ABHD2: variants seen among roughly 807,000 people sequenced by gnomAD.
The protein encoded by ABHD2 is abhydrolase domain containing 2, acylglycerol lipase.
ABHD2 carries 20 observed loss-of-function variants against 48.1 expected under a neutral mutation model. The observed-to-expected ratio is 0.42, with a 90% CI of 0.29 to 0.60. The LOEUF is 0.60. ABHD2 is among the 20% of genes least tolerant of loss of function. The pLI is 0.24. For synonymous variants in ABHD2, 209 were observed against 214.2 expected (o/e 0.98, Z 0.21); for missense variants, 405 against 550.9 (o/e 0.74, Z 2.65).
chr15:89,201,384 T>G lies in ABHD2; in HGVS notation c.*5961T>G. 8.8e-7 allele frequency: 1 copy of G among 1,137,836 alleles called. No individual in the cohort carries two copies. The highest frequency in any genetic ancestry group is 1.3e-6 in the Non-Finnish European group (1 of 758,434). 70.5% of individuals were successfully genotyped at this position (1,137,836 alleles called of 1,614,324 possible). A position where few individuals can be genotyped will look rare whatever the true frequency, so the allele number is the denominator to read the frequency against. On this transcript the variant is annotated 3_prime_UTR_variant, in exon 11 of 11. Coordinates refer to ENST00000352732, the MANE Select transcript of ABHD2 (RefSeq NM_152924.5). ...TTAGATGCATTCAGTGGGACAGCTT[T>G]GCTGGGTTCCATGTCATTCAATTTA...
upstream of ABHD2, among the ~76,000 whole-genome samples, chr15:89,085,724 G>A (rs932707257): frequency 6.6e-6 from 1 of 152,166 alleles, no homozygotes; most frequent in Non-Finnish European, 1.5e-5. This position sits in a 1 kb window ranked among gnomAD's most constrained non-coding sequence, Gnocchi z 4.2. Flanking sequence ...TTACACAATG[G>A]CGAGCCCATC....
At chr15:89,149,646 G>C (rs7166276) in intron 3 of ABHD2, among the ~76,000 whole-genome samples, 89,564 of 152,168 alleles carry the variant, frequency 0.59, 28,012 homozygotes, top group East Asian at 0.82. Context: ...CAAGTAGTAG[G>C]TGGCCCAAAG....
rs2049577864 is a variant in ABHD2 at position 89,094,370 on chromosome 15, A to AT, written c.-107+5808dup. ...TCAATGAGGGCAATAAAAAACAAAA[A>AT]TCAGGAAGCCCAACATGGATTGCTA... On this transcript the variant is annotated intron_variant, in intron 1 of 10. Transcript: ENST00000352732. This position sits in a 1 kb window ranked among gnomAD's most constrained non-coding sequence, Gnocchi z 4.7. 1 of 152,174 alleles carries AT rather than the reference A, an allele frequency of 6.6e-6. No homozygotes were observed. The highest frequency in any genetic ancestry group is 2.1e-4 in the South Asian group (1 of 4,818). The allele number at this position is 152,174 out of a possible 1,614,324, so 9.4% of individuals were successfully genotyped here. A position where few individuals can be genotyped will look rare whatever the true frequency, so the allele number is the denominator to read the frequency against.
chr15:89,078,749 C>G, the ABHD2 span, among the ~76,000 whole-genome samples: 77 of 99,228 alleles, frequency 7.8e-4, no homozygotes, highest in African/African-American at 2.9e-3. Context: ...TTTTTTTTTT[C>G]TTGTGAGACA....
chr15:89,075,457 G>A, the ABHD2 span: 1 of 152,326 alleles, frequency 6.6e-6, no homozygotes. This position sits in a 1 kb window ranked among gnomAD's most constrained non-coding sequence, Gnocchi z 4.1. Flanking sequence ...TGGGAGCAAG[G>A]AACGGCCTGG....
chr15:89,153,121 G>C (rs1371481247), intron 4 of ABHD2, among the ~76,000 whole-genome samples: 1 of 152,128 alleles, frequency 6.6e-6, no homozygotes, highest in African/African-American at 2.4e-5. Flanking sequence ...TGTCATTCAG[G>C]TCTCAGCTCA....
chr15:89,132,568 T>C (rs889655322), intron 3 of ABHD2, among the ~76,000 whole-genome samples: 1 of 152,214 alleles, frequency 6.6e-6, no homozygotes, highest in African/African-American at 2.4e-5. Context: ...GCAAGGCTTG[T>C]GAGGATATGG....
At position 89,183,383 on chromosome 15, in the gene ABHD2, AAATATATATAT is replaced by A. The variant is rs1297967485; in HGVS notation, c.723-2039_723-2029del. ...CAGTCCTTTTCAAAAAAAAAAAAAA[AAATATATATAT>A]ATATATATATATATATATATATGAG... On this transcript the variant is annotated intron_variant, in intron 6 of 10. Transcript: ENST00000352732. 92 of 66,072 alleles carry A rather than the reference AAATATATATAT, an allele frequency of 1.4e-3. 2 individuals carry two copies. In the South Asian group the frequency reaches 0.034, roughly 25 times the overall value. 4.1% of individuals were successfully genotyped at this position (66,072 alleles called of 1,614,324 possible). A position where few individuals can be genotyped will look rare whatever the true frequency, so the allele number is the denominator to read the frequency against.
Position 89,166,555 on chromosome 15 carries a change from G to T in ABHD2, c.539-9257G>T, listed in dbSNP as rs551769199. Among the ~76,000 whole-genome samples, 233 of 151,900 alleles carry T rather than the reference G, an allele frequency of 1.5e-3. No homozygotes were observed. The highest frequency in any genetic ancestry group is 5.4e-3 in the African/African-American group (224 of 41,382). On this transcript the variant is annotated intron_variant, in intron 5 of 10. Transcript: ENST00000352732. The surrounding 1 kb of genome is among the most constrained non-coding windows in gnomAD (Gnocchi z 4.6). ...GATCATGCCACTGCACTCCAGCCTG[G>T]GTGACAGAGTGAGACCCTGTCTCAA...
Position 89,116,441 on chromosome 15 carries a change from CACA to C in ABHD2, c.115_117del (p.Thr39del). On this transcript the variant is annotated inframe_deletion, in exon 3 of 11. Coordinates refer to ENST00000352732, the MANE Select transcript of ABHD2 (RefSeq NM_152924.5). The surrounding 1 kb of genome is among the most constrained non-coding windows in gnomAD (Gnocchi z 4.6). Reference sequence around the variant, plus strand: ...TCCGGTGTTTGAACCTGAAGAGCCCCACAGCCCCACCTGACCTCTACTTCCAGG... The same window carrying C: ...TCCGGTGTTTGAACCTGAAGAGCCCCGCCCCACCTGACCTCTACTTCCAGG... 6.2e-7 allele frequency: 1 copy of C among 1,614,208 alleles called. No individual in the cohort carries two copies. Among genetic ancestry groups the C allele is most frequent in the Non-Finnish European group, 8.5e-7 (1 of 1,180,034 alleles).
At position 89,166,004 on chromosome 15, in the gene ABHD2, C is replaced by T. The variant is rs780228706; in HGVS notation, c.539-9808C>T. ...AGAATAAACTGAAAACCAGAATTTT[C>T]CAGCTTGTGCTTATTCTGGCCTCCA... is the stretch of plus-strand genomic sequence containing the variant. On this transcript the variant is annotated intron_variant, in intron 5 of 10. Coordinates refer to ENST00000352732, the MANE Select transcript of ABHD2 (RefSeq NM_152924.5). This position sits in a 1 kb window ranked among gnomAD's most constrained non-coding sequence, Gnocchi z 4.6. Among the ~76,000 whole-genome samples the T allele has an allele frequency of 2.6e-5, 4 of 152,188 alleles. No individual in the cohort carries two copies. Among genetic ancestry groups the T allele is most frequent in the Non-Finnish European group, 5.9e-5 (4 of 68,034 alleles).
At position 89,166,414 on chromosome 15, in the gene ABHD2, T is replaced by A. The variant is rs566135506; in HGVS notation, c.539-9398T>A. Among the ~76,000 whole-genome samples the A allele has an allele frequency of 1.3e-5, 2 of 152,202 alleles. No individual in the cohort carries two copies. The highest frequency in any genetic ancestry group is 1.3e-4 in the Admixed American group (2 of 15,284). ...TCAAGCTGTGAGGAAGTACGTGAAATCACAGCATTGAATTCTCTTGCTGGG... is the reference window on the plus strand; with the variant it reads ...TCAAGCTGTGAGGAAGTACGTGAAAACACAGCATTGAATTCTCTTGCTGGG... On this transcript the variant is annotated intron_variant, in intron 5 of 10. Transcript: ENST00000352732. The surrounding 1 kb of genome is among the most constrained non-coding windows in gnomAD (Gnocchi z 4.6).
chr15:89,104,906 G>C lies in ABHD2; in HGVS notation c.-106-8819G>C, dbSNP rs2049759354. On this transcript the variant is annotated intron_variant, in intron 1 of 10. Coordinates refer to ENST00000352732, the MANE Select transcript of ABHD2 (RefSeq NM_152924.5). This position sits in a 1 kb window ranked among gnomAD's most constrained non-coding sequence, Gnocchi z 4.4. ...TAAACTAGGCACTTGAGCTCATTGG[G>C]TTCTGGTAAACTGCAATTTTGCTTC... is the stretch of plus-strand genomic sequence containing the variant. Among the ~76,000 whole-genome samples, 1 of 152,180 alleles carries C rather than the reference G, an allele frequency of 6.6e-6. No homozygotes were observed. The highest frequency in any genetic ancestry group is 2.4e-5 in the African/African-American group (1 of 41,446).
intron 3 of ABHD2, among the ~76,000 whole-genome samples, chr15:89,142,611 G>GC (rs1355884143): frequency 6.6e-6 from 1 of 152,142 alleles, no homozygotes; most frequent in East Asian, 1.9e-4. Flanking sequence ...CCTTACTCTT[G>GC]CCTTGTTAAG....
Position 89,183,384 on chromosome 15 carries a change from A to AAATATAT in ABHD2, c.723-2039_723-2038insATATATA, listed in dbSNP as rs61602174. 87 of 46,266 alleles carry AAATATAT rather than the reference A, an allele frequency of 1.9e-3. 3 individuals are homozygous for AAATATAT. The highest frequency in any genetic ancestry group is 5.4e-3 in the East Asian group (7 of 1,286). 2.9% of individuals were successfully genotyped at this position (46,266 alleles called of 1,614,324 possible). The stretch of plus-strand genomic sequence containing the variant: ...AGTCCTTTTCAAAAAAAAAAAAAAA[A>AAATATAT]ATATATATATATATATATATATATA... On this transcript the variant is annotated intron_variant, in intron 6 of 10. Coordinates refer to ENST00000352732, the MANE Select transcript of ABHD2 (RefSeq NM_152924.5).
At chr15:89,180,267 G>GT (rs757829477) in intron 6 of ABHD2, among the ~76,000 whole-genome samples, 7 of 152,136 alleles carry the variant, frequency 4.6e-5, no homozygotes, top group Non-Finnish European at 8.8e-5. Context: ...CTTTTTGTGG[G>GT]TTTTTTTGTT....
chr15:89,132,740 A>G (rs928424661), intron 3 of ABHD2, among the ~76,000 whole-genome samples: 3 of 152,156 alleles, frequency 2.0e-5, no homozygotes, highest in African/African-American at 7.2e-5. Flanking sequence ...TTTGTCCTTT[A>G]TATGTAAAGA....
chr15:89,093,841 T>A (rs1344244954), intron 1 of ABHD2: 1 of 152,276 alleles, frequency 6.6e-6, no homozygotes, highest in Non-Finnish European at 1.5e-5. Flanking sequence ...TTGAACTTTC[T>A]ATGGCTAGGC....
chr15:89,130,488 A>G (rs956643325), intron 3 of ABHD2, among the ~76,000 whole-genome samples: 3 of 152,178 alleles, frequency 2.0e-5, no homozygotes, highest in African/African-American at 7.2e-5. Flanking sequence ...ATGGGTTCTC[A>G]GTTTCTGTTT....
Sources: gnomAD v4.1 joint callset for allele counts (sites outside exome capture counted in the v4.1 genomes callset) on GRCh38, gnomAD v4.1.1 for gene constraint, Gnocchi (gnomAD v3.1) non-coding constraint, MANE v1.5 for transcripts, NCBI Gene and HGNC (gene_info 2026-07-23, HGNC 2026-07-21) for gene names.